The following GSN variants were observed in gnomAD, a reference collection of about 807,000 sequenced individuals.
GSN encodes actin-depolymerizing factor.
A neutral mutation model predicts 85.7 loss-of-function variants in GSN; 56 were observed. The observed-to-expected ratio is 0.65, with a 90% CI of 0.53 to 0.82. The LOEUF (loss-of-function observed/expected upper bound fraction) is 0.82. GSN is among the 40% of genes least tolerant of loss of function. GSN has a pLI of 0.00. For missense variants in GSN, 857 were observed against 979.8 expected (o/e 0.87, Z 1.67); for synonymous variants, 373 against 399.1 (o/e 0.93, Z 0.78).
At chr9:121,276,492 C>A (rs1335902662) in intron 1 of GSN, among the ~76,000 whole-genome samples, 1 of 152,214 alleles carries the variant, frequency 6.6e-6, no homozygotes, top group Non-Finnish European at 1.5e-5. Flanking sequence ...GTGATCCCAT[C>A]CCCCAGAGAC....
intron 5 of GSN, among the ~76,000 whole-genome samples, chr9:121,240,341 C>T (rs2054579363): frequency 6.6e-6 from 1 of 152,212 alleles, no homozygotes; most frequent in Non-Finnish European, 1.5e-5. Flanking sequence ...CAATTCAACT[C>T]ATAACAAAGT....
At chr9:121,279,680 A>G (rs1406055482) in intron 1 of GSN, among the ~76,000 whole-genome samples, 1 of 151,906 alleles carries the variant, frequency 6.6e-6, no homozygotes, top group African/African-American at 2.4e-5. Context: ...GTAGGGGAGG[A>G]GCACATTGTA....
Position 121,331,473 on chromosome 9 carries a change from G to A in GSN, c.2026+25G>A, listed in dbSNP as rs187735228. The A allele has an allele frequency of 3.7e-5, 53 of 1,425,434 alleles. No individual in the cohort carries two copies. The East Asian group carries it at 6.8e-4, about 18-fold the overall frequency. 88.3% of individuals were successfully genotyped at this position (1,425,434 alleles called of 1,614,324 possible). A position where few individuals can be genotyped will look rare whatever the true frequency, so the allele number is the denominator to read the frequency against. ...GGTGAGGACCCGAGTGCCTGGGGGC[G>A]GGGGGAGGGGTCCGTTGCTTGTGGG... On this transcript the variant is annotated intron_variant, in intron 17 of 17. Transcript: ENST00000432226.
chr9:121,242,773 G>A (rs975173965), intron 5 of GSN, among the ~76,000 whole-genome samples: 3 of 152,146 alleles, frequency 2.0e-5, no homozygotes, highest in African/African-American at 7.2e-5. Context: ...ACTTTGGCCA[G>A]TGATTGGTTT....
intron 1 of GSN, among the ~76,000 whole-genome samples, chr9:121,275,989 G>T (rs967326493): frequency 6.6e-6 from 1 of 152,096 alleles, no homozygotes; most frequent in Non-Finnish European, 1.5e-5. Context: ...ATTTAACTGG[G>T]CATCTCATGT....
At chr9:121,207,912 A>G (rs1403088333) in intron 1 of GSN, 1 of 115,862 alleles carries the variant, frequency 8.6e-6, no homozygotes, top group Non-Finnish European at 1.9e-5. Context: ...GTACCACCAC[A>G]TCTGGCTAAT....
chr9:121,281,658 T>A (rs1222324122), intron 2 of GSN, 96 bp downstream of exon 2: 1 of 471,192 alleles, frequency 2.1e-6, no homozygotes, highest in South Asian at 1.5e-5. Context: ...AAGCAGCCGC[T>A]GTAGCCACAG....
At chr9:121,271,453 A>G (rs1050680106) in intron 1 of GSN, among the ~76,000 whole-genome samples, 1 of 152,234 alleles carries the variant, frequency 6.6e-6, no homozygotes, top group Non-Finnish European at 1.5e-5. Context: ...TCTGAGGTAG[A>G]TACTAGTATC....
intron 7 of GSN, 71 bp from the exon 8 acceptor site, chr9:121,317,015 G>C: frequency 6.2e-7 from 1 of 1,604,726 alleles, no homozygotes; most frequent in South Asian, 1.1e-5. Flanking sequence ...GGTGGGGCAA[G>C]ATGGTGGAAG....
At chr9:121,271,786 A>G (rs1452056417) in intron 1 of GSN, among the ~76,000 whole-genome samples, 1 of 152,228 alleles carries the variant, frequency 6.6e-6, no homozygotes, top group Non-Finnish European at 1.5e-5. Flanking sequence ...CCCTCAGTGC[A>G]GGTCAATCTC....
At chr9:121,259,882 G>A (rs760329938) in intron 6 of GSN, among the ~76,000 whole-genome samples, 1 of 152,202 alleles carries the variant, frequency 6.6e-6, no homozygotes, top group Admixed American at 6.5e-5. Context: ...TTCAGCTCTA[G>A]GGAAAAACAG....
At chr9:121,267,362 G>T (rs955165813), upstream of GSN, among the ~76,000 whole-genome samples, 1 of 152,160 alleles carries the variant, frequency 6.6e-6, no homozygotes, top group East Asian at 1.9e-4. Flanking sequence ...TCCTAAAACA[G>T]TATCTGCCAT....
intron 6 of GSN, among the ~76,000 whole-genome samples, chr9:121,252,449 A>T (rs559407121): frequency 6.6e-6 from 1 of 152,260 alleles, no homozygotes; most frequent in Admixed American, 6.5e-5. Context: ...TGAATGCTAC[A>T]TATGACGGAG....
At chr9:121,211,367 A>G (rs1301488851) in intron 4 of GSN, among the ~76,000 whole-genome samples, 1 of 152,038 alleles carries the variant, frequency 6.6e-6, no homozygotes, top group Non-Finnish European at 1.5e-5. Context: ...TGACAGCAAA[A>G]ACAAACAAAC....
chr9:121,210,877 GTTA>G (rs1292651298), intron 4 of GSN: 1 of 152,210 alleles, frequency 6.6e-6, no homozygotes, highest in Non-Finnish European at 1.5e-5. Flanking sequence ...GGTAAGTAAT[GTTA>G]TTAACTCCAC....
At chr9:121,221,560 C>T (rs993350947) in intron 4 of GSN, among the ~76,000 whole-genome samples, 13 of 152,180 alleles carry the variant, frequency 8.5e-5, no homozygotes, top group Admixed American at 3.3e-4. Context: ...CAGCCCAATA[C>T]GGAGAGGTAA....
At chr9:121,211,815 A>G (rs974470386) in intron 4 of GSN, among the ~76,000 whole-genome samples, 9 of 152,132 alleles carry the variant, frequency 5.9e-5, no homozygotes, top group Non-Finnish European at 1.3e-4. Context: ...CCACCTCCCC[A>G]CCAAAAGAAA....
At chr9:121,297,663 T>C (rs927272136) in intron 2 of GSN, 3 of 152,214 alleles carry the variant, frequency 2.0e-5, no homozygotes, top group African/African-American at 4.8e-5. Flanking sequence ...CCTGTGTTTA[T>C]TGAGTGCCTA....
chr9:121,292,639 TG>T (rs2058803308), intron 2 of GSN, among the ~76,000 whole-genome samples: 2 of 152,154 alleles, frequency 1.3e-5, no homozygotes, highest in African/African-American at 4.8e-5. Flanking sequence ...CCGCAGAAGG[TG>T]CCACTGGCTC....
Sources: gnomAD v4.1 joint callset for allele counts (sites outside exome capture counted in the v4.1 genomes callset) on GRCh38, gnomAD v4.1.1 for gene constraint, MANE v1.5 for transcripts, NCBI Gene and HGNC (gene_info 2026-07-23, HGNC 2026-07-21) for gene names.